LINGO2: variants seen among roughly 807,000 people sequenced by gnomAD.
LINGO2 encodes the protein leucine-rich repeat and immunoglobulin-like domain-containing nogo receptor-interacting protein 2.
LINGO2 carries 14 observed loss-of-function variants against 30.6 expected under a neutral mutation model. The ratio of observed to expected loss-of-function variants is 0.46; its 90% CI spans 0.30 to 0.72. The LOEUF is 0.72. LINGO2 is among the 30% of genes least tolerant of loss of function. LINGO2 has a pLI of 0.07. For missense variants in LINGO2, 729 were observed against 751.7 expected (o/e 0.97, Z 0.35); for synonymous variants, 317 against 288.5 (o/e 1.10, Z -1.00).
intron 4 of LINGO2, among the ~76,000 whole-genome samples, chr9:28,162,540 A>T (rs1000333760): frequency 6.6e-6 from 1 of 152,162 alleles, no homozygotes; most frequent in East Asian, 1.9e-4. Context: ...CTCTCCAATG[A>T]AGGATAAAAT....
intron 4 of LINGO2, among the ~76,000 whole-genome samples, chr9:28,210,014 C>T (rs868859166): frequency 2.0e-5 from 3 of 151,806 alleles, no homozygotes; most frequent in African/African-American, 7.2e-5. Context: ...GCCCTAAAGC[C>T]ACTTTAATGC....
chr9:28,077,292 T>A (rs768556383), intron 4 of LINGO2, among the ~76,000 whole-genome samples: 2 of 152,046 alleles, frequency 1.3e-5, no homozygotes, highest in African/African-American at 4.8e-5. Flanking sequence ...AGTAAAGAGA[T>A]AGAGTTTGTT....
chr9:28,201,084 T>C (rs907412211), intron 4 of LINGO2, among the ~76,000 whole-genome samples: 9 of 152,020 alleles, frequency 5.9e-5, no homozygotes, highest in African/African-American at 1.9e-4. Flanking sequence ...TTTTCTTTTT[T>C]TTTTTATTAT....
the LINGO2 span, among the ~76,000 whole-genome samples, chr9:28,966,915 A>C: frequency 6.6e-6 from 1 of 152,080 alleles, no homozygotes; most frequent in Non-Finnish European, 1.5e-5. Flanking sequence ...ACTGATGCAT[A>C]AAATTGAGTC....
chr9:28,511,666 C>T (rs942563351), intron 1 of LINGO2, among the ~76,000 whole-genome samples: 1 of 152,190 alleles, frequency 6.6e-6, no homozygotes, highest in Non-Finnish European at 1.5e-5. Context: ...GAGGTCCATT[C>T]ACATACCTCT....
chr9:28,819,823 C>T, the LINGO2 span, among the ~76,000 whole-genome samples: 1 of 152,104 alleles, frequency 6.6e-6, no homozygotes, highest in Non-Finnish European at 1.5e-5. Context: ...TAGCAGCTTC[C>T]TGGGCTATAG....
rs556152496 is a variant in LINGO2 at position 28,544,072 on chromosome 9, G to A, written c.-364-68047C>T. On this transcript the variant is annotated intron_variant, in intron 1 of 5. Transcript: ENST00000379992. ...ACAAAAATTAGCTGGGCATGCTGGC[G>A]TCTACCTGTAGTCCCAGCTGCTCTG... 6.6e-5 allele frequency among the ~76,000 whole-genome samples: 10 copies of A among 151,848 alleles called. 1 individual carries two copies. The highest frequency in any genetic ancestry group is 1.7e-4 in the African/African-American group (7 of 41,472).
At position 28,506,161 on chromosome 9, in the gene LINGO2, T is replaced by A. The variant is rs543906755; in HGVS notation, c.-364-30136A>T. Among the ~76,000 whole-genome samples, 105 of 151,614 alleles carry A rather than the reference T, an allele frequency of 6.9e-4. 1 individual carries two copies. Among genetic ancestry groups the A allele is most frequent in the Non-Finnish European group, 1.2e-3 (79 of 67,750 alleles). ...ACATACCATCTCAAATAATTCTAAT[T>A]TCACACTTCCACTCAAGAAAAGTAA... On this transcript the variant is annotated intron_variant, in intron 1 of 5. Transcript: ENST00000379992.
chr9:28,417,017 A>C (rs959662112), intron 2 of LINGO2, among the ~76,000 whole-genome samples: 2 of 152,202 alleles, frequency 1.3e-5, no homozygotes, highest in Admixed American at 6.5e-5. Flanking sequence ...TCAAGTACAT[A>C]AGTATGTAGA....
intron 4 of LINGO2, among the ~76,000 whole-genome samples, chr9:28,041,579 T>A (rs963508225): frequency 1.3e-5 from 2 of 152,320 alleles, no homozygotes; most frequent in East Asian, 3.9e-4. Context: ...AGCATTCAGA[T>A]GTTTTAAAGT....
At chr9:28,875,145 A>G in the LINGO2 span, among the ~76,000 whole-genome samples, 1 of 152,080 alleles carries the variant, frequency 6.6e-6, no homozygotes. Flanking sequence ...TCCTCAATTA[A>G]CTTTTTCTCC....
At chr9:28,898,141 T>C in the LINGO2 span, among the ~76,000 whole-genome samples, 949 of 152,252 alleles carry the variant, frequency 6.2e-3, 6 homozygotes, top group Non-Finnish European at 0.01. Flanking sequence ...TATTTAAAAT[T>C]ACATTTCACT....
the LINGO2 span, among the ~76,000 whole-genome samples, chr9:29,124,296 A>C: frequency 6.6e-6 from 1 of 152,190 alleles, no homozygotes; most frequent in Non-Finnish European, 1.5e-5. Flanking sequence ...TAAAATCTAA[A>C]ACTATAAAAA....
At chr9:28,501,867 C>T (rs1819901554) in intron 1 of LINGO2, among the ~76,000 whole-genome samples, 2 of 151,674 alleles carry the variant, frequency 1.3e-5, no homozygotes, top group South Asian at 2.1e-4. Context: ...AAACAAATTG[C>T]CAATAAATAG....
chr9:28,847,114 C>G, the LINGO2 span, among the ~76,000 whole-genome samples: 1 of 147,960 alleles, frequency 6.8e-6, no homozygotes. Context: ...CTATAATTCT[C>G]TCAATCAGAG....
intron 1 of LINGO2, among the ~76,000 whole-genome samples, chr9:28,658,701 T>C (rs991743564): frequency 6.6e-6 from 1 of 152,054 alleles, no homozygotes; most frequent in Non-Finnish European, 1.5e-5. Context: ...TGTCTTTTGA[T>C]GGGGAGGAGG....
At chr9:27,945,695 G>A (rs559198997), downstream of LINGO2, among the ~76,000 whole-genome samples, 2 of 152,204 alleles carry the variant, frequency 1.3e-5, no homozygotes, top group South Asian at 4.2e-4. Flanking sequence ...TAACAAAGAG[G>A]TAATCAGAAG....
chr9:28,586,808 CCCTAGT>C (rs1824563697), intron 1 of LINGO2, among the ~76,000 whole-genome samples: 1 of 151,938 alleles, frequency 6.6e-6, no homozygotes, highest in African/African-American at 2.4e-5. Flanking sequence ...TGCTCATCTG[CCCTAGT>C]CCTAGACCCC....
chr9:28,721,969 T>C, the LINGO2 span, among the ~76,000 whole-genome samples: 12 of 152,110 alleles, frequency 7.9e-5, no homozygotes, highest in South Asian at 2.5e-3. Flanking sequence ...TTGTATTATA[T>C]ACGTATGAAA....
Sources: gnomAD v4.1 joint callset for allele counts (sites outside exome capture counted in the v4.1 genomes callset) on GRCh38, gnomAD v4.1.1 for gene constraint, MANE v1.5 for transcripts, NCBI Gene and HGNC (gene_info 2026-07-23, HGNC 2026-07-21) for gene names.